RIMS2: variants seen among roughly 807,000 people sequenced by gnomAD.
RIMS2 encodes regulating synaptic membrane exocytosis 2.
RIMS2 carries 59 observed loss-of-function variants against 174.4 expected under a neutral mutation model. The ratio of observed to expected loss-of-function variants is 0.34; its 90% CI spans 0.27 to 0.42. RIMS2 has a LOEUF of 0.42. RIMS2 is among the 10% of genes least tolerant of loss of function. The pLI, the probability that RIMS2 is intolerant of heterozygous loss-of-function variation, is 1.00. For missense variants in RIMS2, 1,620 were observed against 1,666.3 expected, an observed-to-expected ratio of 0.97 and a Z score of 0.48; for synonymous variants, 606 against 572.5, an observed-to-expected ratio of 1.06 and a Z score of -0.84.
At chr8:104,200,855 A>G (rs545594705) in intron 19 of RIMS2, among the ~76,000 whole-genome samples, 1 of 152,332 alleles carries the variant, frequency 6.6e-6, no homozygotes, top group Admixed American at 6.5e-5. Flanking sequence ...TCGAGGCTGC[A>G]GTGAGCCATG....
At chr8:103,686,421 G>C (rs2096940907) in intron 1 of RIMS2, among the ~76,000 whole-genome samples, 1 of 152,184 alleles carries the variant, frequency 6.6e-6, no homozygotes, top group African/African-American at 2.4e-5. Context: ...ATCTTAGGGG[G>C]AAGCATTCAG....
intron 1 of RIMS2, among the ~76,000 whole-genome samples, chr8:103,661,042 T>G (rs1489364708): frequency 1.3e-5 from 2 of 152,238 alleles, no homozygotes; most frequent in Admixed American, 1.3e-4. Context: ...AGGGTAACTT[T>G]TATCCTTTTG....
At chr8:103,994,973 TTC>T (rs1393480178) in intron 17 of RIMS2, among the ~76,000 whole-genome samples, 1 of 152,124 alleles carries the variant, frequency 6.6e-6, no homozygotes, top group African/African-American at 2.4e-5. Flanking sequence ...TTTACATATT[TTC>T]TGTTATTCTT....
At chr8:104,210,067 A>C (rs1024511181) in intron 19 of RIMS2, among the ~76,000 whole-genome samples, 1 of 152,212 alleles carries the variant, frequency 6.6e-6, no homozygotes, top group Non-Finnish European at 1.5e-5. Context: ...ATGTAGAACT[A>C]TAAGTACAAT....
At chr8:103,628,996 G>C (rs1197510801) in intron 1 of RIMS2, among the ~76,000 whole-genome samples, 2 of 152,168 alleles carry the variant, frequency 1.3e-5, no homozygotes, top group Non-Finnish European at 2.9e-5. Context: ...ATACCTGTGG[G>C]AATTGTGGTA....
intron 1 of RIMS2, among the ~76,000 whole-genome samples, chr8:103,612,124 T>C (rs764453711): frequency 1.3e-5 from 2 of 152,238 alleles, no homozygotes; most frequent in Admixed American, 6.5e-5. Flanking sequence ...GAATTTCTGC[T>C]TGATTTTTTA....
intron 3 of RIMS2, among the ~76,000 whole-genome samples, chr8:103,880,887 A>G (rs1192563595): frequency 6.6e-6 from 1 of 151,492 alleles, no homozygotes; most frequent in Non-Finnish European, 1.5e-5. Context: ...TTAAAATTTT[A>G]GAATTTGGTT....
At chr8:104,229,008 A>G (rs1332963879) in intron 19 of RIMS2, among the ~76,000 whole-genome samples, 1 of 152,192 alleles carries the variant, frequency 6.6e-6, no homozygotes, top group African/African-American at 2.4e-5. Context: ...ATGTGTCCAA[A>G]TAGTGTCTTT....
At chr8:103,929,432 T>C (rs1178104500) in intron 11 of RIMS2, among the ~76,000 whole-genome samples, 2 of 151,864 alleles carry the variant, frequency 1.3e-5, no homozygotes, top group Non-Finnish European at 3.0e-5. Context: ...AATAATTTGC[T>C]CTAATAATTT....
At chr8:103,529,598 G>T (rs1365405498) in intron 1 of RIMS2, among the ~76,000 whole-genome samples, 29 of 152,208 alleles carry the variant, frequency 1.9e-4, no homozygotes, top group Admixed American at 1.9e-3. Context: ...GTCTTGCCCT[G>T]CTTCGGCTCA....
chr8:104,017,283 T>C (rs1371222033), intron 19 of RIMS2, among the ~76,000 whole-genome samples: 1 of 151,900 alleles, frequency 6.6e-6, no homozygotes, highest in Non-Finnish European at 1.5e-5. Flanking sequence ...TTATGAGAAG[T>C]TGTAATTTAA....
intron 1 of RIMS2, among the ~76,000 whole-genome samples, chr8:103,529,392 G>C (rs1188106212): frequency 6.6e-6 from 1 of 152,176 alleles, no homozygotes; most frequent in African/African-American, 2.4e-5. Flanking sequence ...TGCTAGCAAT[G>C]AGCGAGGCTC....
At chr8:103,931,167 T>C (rs1271728827) in intron 11 of RIMS2, 96 bp from the exon 14 acceptor site, 3 of 880,398 alleles carry the variant, frequency 3.4e-6, no homozygotes, top group African/African-American at 1.7e-5. Flanking sequence ...TCTGTGCTAA[T>C]GTTATTGTAA....
At chr8:103,639,059 C>A (rs958049091) in intron 1 of RIMS2, among the ~76,000 whole-genome samples, 10 of 151,886 alleles carry the variant, frequency 6.6e-5, no homozygotes, top group African/African-American at 2.4e-4. Context: ...CATGTTCAAC[C>A]CCAGTATAAA....
chr8:103,620,957 G>C (rs1470908418), intron 1 of RIMS2, among the ~76,000 whole-genome samples: 1 of 152,136 alleles, frequency 6.6e-6, no homozygotes, highest in Non-Finnish European at 1.5e-5. Flanking sequence ...CATACTTTTT[G>C]TAACTTTTGA....
intron 2 of RIMS2, among the ~76,000 whole-genome samples, chr8:103,713,500 G>T (rs145226782): frequency 7.8e-4 from 118 of 152,190 alleles, no homozygotes; most frequent in African/African-American, 2.6e-3. Context: ...AGCCAGAAAG[G>T]TAGGAATCAT....
intron 14 of RIMS2, among the ~76,000 whole-genome samples, chr8:103,950,075 A>G (rs2084948504): frequency 6.6e-6 from 1 of 152,162 alleles, no homozygotes; most frequent in Non-Finnish European, 1.5e-5. Flanking sequence ...TCTCCCAAGA[A>G]GAAAGAAATA....
chr8:103,651,500 T>C (rs2096452134), intron 1 of RIMS2, among the ~76,000 whole-genome samples: 1 of 152,188 alleles, frequency 6.6e-6, no homozygotes, highest in South Asian at 2.1e-4. Context: ...TAGAAAGTAG[T>C]TTTTTCTATA....
At chr8:103,512,502 A>G (rs1193878657) in intron 1 of RIMS2, among the ~76,000 whole-genome samples, 1 of 152,182 alleles carries the variant, frequency 6.6e-6, no homozygotes, top group Non-Finnish European at 1.5e-5. Context: ...GCTTTCTGGA[A>G]CATTCTGAGC....
Sources: gnomAD v4.1 joint callset for allele counts (sites outside exome capture counted in the v4.1 genomes callset) on GRCh38, gnomAD v4.1.1 for gene constraint, MANE v1.5 for transcripts, NCBI Gene and HGNC (gene_info 2026-07-23, HGNC 2026-07-21) for gene names.